Variants in STIM1 observed in about 807,000 individuals in gnomAD.
STIM1 encodes stromal interaction molecule 1.
STIM1 carries 25 observed loss-of-function variants against 74.7 expected under a neutral mutation model. The observed-to-expected ratio is 0.33, with a 90% CI of 0.24 to 0.47. The LOEUF (loss-of-function observed/expected upper bound fraction) is 0.47. Among genes scored for constraint, STIM1 ranks in the 20% least tolerant of loss-of-function variants. STIM1 has a pLI of 1.00. For synonymous variants in STIM1, 328 were observed against 348.8 expected (o/e 0.94, Z 0.66); for missense variants, 728 against 920.8 (o/e 0.79, Z 2.71).
chr11:4,042,404 A>G (rs2094155150), intron 3 of STIM1, among the ~76,000 whole-genome samples: 1 of 152,052 alleles, frequency 6.6e-6, no homozygotes, highest in Non-Finnish European at 1.5e-5. Context: ...ACTTATCACC[A>G]TCTGACATAT....
intron 1 of STIM1, chr11:3,892,640 A>G: frequency 1.2e-6 from 2 of 1,609,052 alleles, no homozygotes; most frequent in Non-Finnish European, 1.7e-6. Context: ...CTCATCATCA[A>G]ATTTCTCCCC....
chr11:3,859,734 A>G (rs2090525461), intron 1 of STIM1, among the ~76,000 whole-genome samples: 1 of 152,174 alleles, frequency 6.6e-6, no homozygotes, highest in Non-Finnish European at 1.5e-5. Flanking sequence ...CCATCTTGGT[A>G]GCTATGCTAA....
intron 2 of STIM1, among the ~76,000 whole-genome samples, chr11:4,014,368 ACTT>A (rs1339409510): frequency 6.6e-6 from 1 of 152,052 alleles, no homozygotes; most frequent in African/African-American, 2.4e-5. Flanking sequence ...TTTTGAGTGA[ACTT>A]CTTAATCCTG....
chr11:3,938,486 C>A (rs1365100702), intron 1 of STIM1, among the ~76,000 whole-genome samples: 1 of 152,168 alleles, frequency 6.6e-6, no homozygotes, highest in Non-Finnish European at 1.5e-5. Context: ...GAGTGAGGGT[C>A]TGTCCCAGAA....
intron 2 of STIM1, chr11:3,972,901 T>G (rs1479870899): frequency 4.0e-6 from 2 of 494,868 alleles, no homozygotes; most frequent in Non-Finnish European, 8.0e-6. Flanking sequence ...GCCTCCAAAG[T>G]TTCCTCCTTT....
chr11:3,895,573 C>T (rs183565127), intron 1 of STIM1, among the ~76,000 whole-genome samples: 18 of 150,716 alleles, frequency 1.2e-4, no homozygotes, highest in African/African-American at 3.4e-4. Context: ...GCTAATTCGG[C>T]TCTGGGTTCC....
At chr11:3,910,043 A>G (rs1348929819) in intron 1 of STIM1, among the ~76,000 whole-genome samples, 1 of 152,172 alleles carries the variant, frequency 6.6e-6, no homozygotes, top group African/African-American at 2.4e-5. Flanking sequence ...TTGAGCAGCC[A>G]TGAGTAGGAA....
At chr11:4,059,011 T>TAGATCTC in intron 4 of STIM1, 1 of 1,085,184 alleles carries the variant, frequency 9.2e-7, no homozygotes, top group Non-Finnish European at 1.2e-6. Context: ...TAGTTGGGTG[T>TAGATCTC]GGGAATGGTC....
chr11:3,890,442 A>T (rs993282766), intron 1 of STIM1, among the ~76,000 whole-genome samples: 11 of 152,232 alleles, frequency 7.2e-5, no homozygotes, highest in African/African-American at 2.7e-4. Context: ...TTAGAGCTAC[A>T]TACCCAGTAG....
chr11:3,962,029 G>A (rs1385338123), intron 1 of STIM1, among the ~76,000 whole-genome samples: 1 of 152,128 alleles, frequency 6.6e-6, no homozygotes, highest in Non-Finnish European at 1.5e-5. Flanking sequence ...CTAAACTGTG[G>A]TTACTTAAAC....
intron 5 of STIM1, among the ~76,000 whole-genome samples, chr11:4,063,400 C>G (rs4910880): frequency 0.26 from 38,969 of 152,084 alleles, 6,158 homozygotes; most frequent in South Asian, 0.46. Context: ...CTGTGTTGAT[C>G]AAGCTGTTGG....
At chr11:4,078,814 A>C (rs1380954224) in intron 7 of STIM1, among the ~76,000 whole-genome samples, 1 of 151,382 alleles carries the variant, frequency 6.6e-6, no homozygotes, top group Non-Finnish European at 1.5e-5. Context: ...CAGGTGAGCC[A>C]CCCACCTCAG....
At chr11:3,989,472 G>A (rs2093588573) in intron 2 of STIM1, 1 of 676,288 alleles carries the variant, frequency 1.5e-6, no homozygotes, top group African/African-American at 1.8e-5. Flanking sequence ...TCCTGGCGGC[G>A]TGGAGGGTGC....
At chr11:3,988,655 A>T (rs1272220404) in intron 2 of STIM1, among the ~76,000 whole-genome samples, 3 of 152,220 alleles carry the variant, frequency 2.0e-5, no homozygotes, top group Non-Finnish European at 4.4e-5. Flanking sequence ...AGTGATTAGG[A>T]AAACAGGACT....
At chr11:3,885,428 C>G (rs562692021) in intron 1 of STIM1, among the ~76,000 whole-genome samples, 5 of 152,266 alleles carry the variant, frequency 3.3e-5, no homozygotes, top group Admixed American at 6.5e-5. Context: ...CTCAAGTGAT[C>G]TGCCTGCCTT....
intron 1 of STIM1, among the ~76,000 whole-genome samples, chr11:3,909,697 G>A (rs1016006765): frequency 1.1e-4 from 17 of 151,600 alleles, no homozygotes; most frequent in African/African-American, 3.6e-4. Flanking sequence ...GGTGGTGGGC[G>A]CCTGTGATCC....
intron 3 of STIM1, among the ~76,000 whole-genome samples, chr11:4,026,596 A>G (rs1404427759): frequency 6.6e-6 from 1 of 152,244 alleles, no homozygotes; most frequent in Non-Finnish European, 1.5e-5. Context: ...ACTTCTGACC[A>G]GCTGACTACA....
intron 2 of STIM1, among the ~76,000 whole-genome samples, chr11:4,013,409 T>C (rs1169473726): frequency 6.6e-6 from 1 of 152,190 alleles, no homozygotes; most frequent in Non-Finnish European, 1.5e-5. Context: ...GAACCTGTTA[T>C]TGGTCTGTTC....
At chr11:4,081,691 C>A (rs1013998839) in intron 7 of STIM1, among the ~76,000 whole-genome samples, 1 of 152,226 alleles carries the variant, frequency 6.6e-6, no homozygotes, top group Non-Finnish European at 1.5e-5. Context: ...CTTCCTCACA[C>A]TGAATTAAGA....
Sources: allele counts gnomAD v4.1 joint callset (sites outside exome capture counted in the v4.1 genomes callset), GRCh38; gene constraint gnomAD v4.1.1; transcripts MANE v1.5; gene names NCBI Gene and HGNC (gene_info 2026-07-23, HGNC 2026-07-21).